CDYL2: variants seen among roughly 807,000 people sequenced by gnomAD.
CDYL2 encodes chromodomain Y like 2.
A neutral mutation model predicts 49.4 loss-of-function variants in CDYL2; 23 were observed. The ratio of observed to expected loss-of-function variants is 0.47; its 90% confidence interval spans 0.34 to 0.66. CDYL2 has a LOEUF of 0.66. Among genes scored for constraint, CDYL2 ranks in the 30% least tolerant of loss-of-function variants. CDYL2 has a pLI of 0.01. For synonymous variants in CDYL2, 360 were observed against 268.8 expected, an observed-to-expected ratio of 1.34 and a Z score of -3.32; for missense variants, 678 against 656.4, an observed-to-expected ratio of 1.03 and a Z score of -0.36.
intron 2 of CDYL2, among the ~76,000 whole-genome samples, chr16:80,635,787 G>A (rs992040529): frequency 3.3e-5 from 5 of 152,134 alleles, no homozygotes; most frequent in Admixed American, 6.5e-5. Context: ...CAAAGCTGGA[G>A]GCATCATGCT....
chr16:80,608,197 G>C lies in CDYL2; in HGVS notation c.1257C>G (p.Ala419=). Residue 419 remains alanine (A), a synonymous_variant, in exon 6 of 7, where the codon GCC becomes GCG. Coordinates refer to ENST00000570137, the MANE Select transcript of CDYL2 (RefSeq NM_152342.4). The part of the protein sequence containing the change: ...EMLFCGRKLT[A]QEACSRGLVS... ...CCAGCCCCCTGCTGCAGGCCTCCTGGGCGGTGAGCTTCCGCCCACAGAACA... is the reference window on the plus strand; with the variant it reads ...CCAGCCCCCTGCTGCAGGCCTCCTGCGCGGTGAGCTTCCGCCCACAGAACA... The C allele has an allele frequency of 1.3e-6, 2 of 1,595,498 alleles. No homozygotes were observed. Among genetic ancestry groups the C allele is most frequent in the Non-Finnish European group, 8.5e-7 (1 of 1,170,790 alleles).
intron 2 of CDYL2, among the ~76,000 whole-genome samples, chr16:80,660,743 G>C (rs1909007046): frequency 6.6e-6 from 1 of 152,180 alleles, no homozygotes; most frequent in African/African-American, 2.4e-5. Context: ...CTCTGAGACA[G>C]AAAGAGGGAT....
chr16:80,724,171 GAC>G (rs1349820990), intron 1 of CDYL2, among the ~76,000 whole-genome samples: 21 of 146,968 alleles, frequency 1.4e-4, no homozygotes, highest in African/African-American at 5.3e-4. Context: ...AGGAGGAGGA[GAC>G]AAAGAGGAAG....
intron 1 of CDYL2, among the ~76,000 whole-genome samples, chr16:80,755,628 T>TAC (rs1906285570): frequency 6.6e-6 from 1 of 152,270 alleles, no homozygotes; most frequent in East Asian, 1.9e-4. Flanking sequence ...CAGAAACTTA[T>TAC]CCTAAGTACC....
At chr16:80,719,818 G>A (rs1904938338) in intron 1 of CDYL2, among the ~76,000 whole-genome samples, 1 of 152,190 alleles carries the variant, frequency 6.6e-6, no homozygotes, top group African/African-American at 2.4e-5. Flanking sequence ...TCCACACAGG[G>A]ATGATGACAA....
rs13339266 is a variant in CDYL2, at chr16:80,733,403, G to A, written c.25-48274C>T. Among the ~76,000 whole-genome samples, 642 of 152,270 alleles carry A rather than the reference G, an allele frequency of 4.2e-3. 5 individuals are homozygous for A. Among genetic ancestry groups the A allele is most frequent in the African/African-American group, 0.015 (617 of 41,552 alleles). ...TCATCTTGCCATTTGGGCTTGCAAC[G>A]GCTTTGCCCTATACTAACATTCCAA... On this transcript the variant is annotated intron_variant, in intron 1 of 6. Coordinates refer to ENST00000570137, the MANE Select transcript of CDYL2 (RefSeq NM_152342.4).
intron 1 of CDYL2, among the ~76,000 whole-genome samples, chr16:80,749,753 T>C (rs1906065434): frequency 6.6e-6 from 1 of 152,118 alleles, no homozygotes; most frequent in South Asian, 2.1e-4. Context: ...AAAAAAAGCA[T>C]ACATGTGCAT....
Position 80,684,648 on chromosome 16 carries a change from T to G in CDYL2, c.506A>C (p.His169Pro). 3 of 1,614,174 alleles carry G rather than the reference T, an allele frequency of 1.9e-6. No homozygotes were observed. Among genetic ancestry groups the G allele is most frequent in the Non-Finnish European group, 8.5e-7 (1 of 1,180,026 alleles). Residue 169 changes from histidine (H) to proline (P), a missense_variant, in exon 2 of 7, where the codon CAC becomes CCC. Physicochemically the swap from His to Pro is moderately conservative, Grantham distance 77. Around this residue, in one of 3 missense-constraint regions of CDYL2, gnomAD observed 478 missense variants for 427.0 expected, o/e 1.12. Transcript: ENST00000570137. ...AGGCTGATGGGACCCATTTCCAAAG[T>G]GCCTCTCATCCTTCTCAGAGCCGGC... The part of the protein sequence containing the change: ...GDAGSEKDER[H>P]FGNGSHQPGL...
chr16:80,753,874 T>C (rs1289020033), intron 1 of CDYL2, among the ~76,000 whole-genome samples: 2 of 152,224 alleles, frequency 1.3e-5, no homozygotes, highest in African/African-American at 2.4e-5. Flanking sequence ...ATATTTATGA[T>C]ACATATTTCT....
chr16:80,654,209 A>G (rs1908709330), intron 2 of CDYL2, among the ~76,000 whole-genome samples: 1 of 152,138 alleles, frequency 6.6e-6, no homozygotes, highest in African/African-American at 2.4e-5. Flanking sequence ...GTCACTACAG[A>G]GACTGAGACT....
At chr16:80,764,247 T>C (rs1485667702) in intron 1 of CDYL2, among the ~76,000 whole-genome samples, 3 of 152,210 alleles carry the variant, frequency 2.0e-5, no homozygotes, top group African/African-American at 7.2e-5. Flanking sequence ...CTTTACACAG[T>C]AGCCTCAAAC....
chr16:80,599,099 G>A lies in CDYL2; in HGVS notation c.*5289C>T, dbSNP rs1006871760. ...GCTAGATATAAGAGCTCCAGCATCA[G>A]GCTAGAAATAAGAGCTCCAGCATCA... On this transcript the variant is annotated 3_prime_UTR_variant, in exon 7 of 7. Transcript: ENST00000570137. 2 of 151,948 alleles carry A rather than the reference G, an allele frequency of 1.3e-5. No individual in the cohort carries two copies. Among genetic ancestry groups the A allele is most frequent in the Non-Finnish European group, 2.9e-5 (2 of 68,004 alleles). The allele number at this position is 151,948 out of a possible 1,614,324, so 9.4% of individuals were successfully genotyped here. A position where few individuals can be genotyped will look rare whatever the true frequency, so the allele number is the denominator to read the frequency against.
At chr16:80,636,699 C>T (rs1315876142) in intron 2 of CDYL2, among the ~76,000 whole-genome samples, 2 of 152,184 alleles carry the variant, frequency 1.3e-5, no homozygotes, top group Non-Finnish European at 2.9e-5. Flanking sequence ...CAATCCCATC[C>T]TGGGTATATA....
chr16:80,625,518 A>C (rs1907262608), intron 3 of CDYL2, among the ~76,000 whole-genome samples: 1 of 152,222 alleles, frequency 6.6e-6, no homozygotes, highest in African/African-American at 2.4e-5. Context: ...AACCTAGCAT[A>C]GTCATAGATT....
intron 2 of CDYL2, among the ~76,000 whole-genome samples, chr16:80,673,466 G>A (rs947468525): frequency 5.9e-5 from 9 of 152,130 alleles, no homozygotes; most frequent in Non-Finnish European, 1.0e-4. Flanking sequence ...TAATCTACTT[G>A]ATGTGGCTTT....
intron 1 of CDYL2, among the ~76,000 whole-genome samples, chr16:80,791,509 A>G (rs1907606837): frequency 6.6e-6 from 1 of 152,236 alleles, no homozygotes; most frequent in Non-Finnish European, 1.5e-5. Context: ...ACAAGAGAAG[A>G]AAAGGGTTCC....
chr16:80,783,911 G>A (rs564726612), intron 1 of CDYL2, among the ~76,000 whole-genome samples: 7 of 152,310 alleles, frequency 4.6e-5, no homozygotes, highest in African/African-American at 1.2e-4. Flanking sequence ...AACAGCAAGT[G>A]ACACTTAATA....
rs78044651 is a variant in CDYL2, at chr16:80,731,912, T to G, written c.25-46783A>C. Among the ~76,000 whole-genome samples the G allele has an allele frequency of 4.5e-3, 646 of 144,236 alleles. 5 individuals are homozygous for G. The highest frequency in any genetic ancestry group is 0.016 in the African/African-American group (623 of 39,132). 94.6% of individuals were successfully genotyped at this position (144,236 alleles called of 152,430 possible). ...CAACACATAAGAGATGCAGCACAGTTAAAAAAAAAAAAAGGCAAAAGATCC... is the reference window on the plus strand; with the variant it reads ...CAACACATAAGAGATGCAGCACAGTGAAAAAAAAAAAAAGGCAAAAGATCC... On this transcript the variant is annotated intron_variant, in intron 1 of 6. Coordinates refer to ENST00000570137, the MANE Select transcript of CDYL2 (RefSeq NM_152342.4).
intron 1 of CDYL2, among the ~76,000 whole-genome samples, chr16:80,704,072 G>C (rs1387432533): frequency 6.6e-6 from 1 of 152,206 alleles, no homozygotes; most frequent in East Asian, 1.9e-4. Flanking sequence ...CCTGAGTAGA[G>C]CAAAATGTCT....
Sources: allele counts gnomAD v4.1 joint callset (sites outside exome capture counted in the v4.1 genomes callset), GRCh38; gene constraint gnomAD v4.1.1; regional missense constraint gnomAD v4.1.1; transcripts MANE v1.5; gene names NCBI Gene and HGNC (gene_info 2026-07-23, HGNC 2026-07-21).